Variants in MGAT4A observed in about 807,000 individuals in gnomAD.
The protein encoded by MGAT4A is alpha-1,3-mannosyl-glycoprotein 4-beta-N-acetylglucosaminyltransferase A.
MGAT4A carries 33 observed loss-of-function variants against 74.1 expected under a neutral mutation model. That is an observed-to-expected ratio of 0.45 (90% CI 0.34 to 0.60). The LOEUF is 0.60. Among genes scored for constraint, MGAT4A ranks in the 20% least tolerant of loss-of-function variants. The pLI, the probability that MGAT4A is intolerant of heterozygous loss-of-function variation, is 0.02. For missense variants in MGAT4A, 479 were observed against 628.3 expected (o/e 0.76, Z 2.54); for synonymous variants, 198 against 210.4 (o/e 0.94, Z 0.51).
intron 4 of MGAT4A, among the ~76,000 whole-genome samples, chr2:98,664,748 A>ATTAGGT (rs1701800153): frequency 1.3e-5 from 2 of 152,154 alleles, no homozygotes; most frequent in Non-Finnish European, 2.9e-5. Context: ...CACTATTATA[A>ATTAGGT]TTAGGTTCTT....
At chr2:98,712,563 C>G (rs1702532908) in intron 2 of MGAT4A, among the ~76,000 whole-genome samples, 1 of 152,210 alleles carries the variant, frequency 6.6e-6, no homozygotes, top group South Asian at 2.1e-4. Flanking sequence ...GAGCTGTACA[C>G]TTATGATTTG....
chr2:98,645,083 A>G (rs1701465699), intron 9 of MGAT4A, among the ~76,000 whole-genome samples: 1 of 152,252 alleles, frequency 6.6e-6, no homozygotes, highest in Admixed American at 6.5e-5. Flanking sequence ...CTAGGAATTT[A>G]TATGAGAAAA....
rs543899006 is a variant in MGAT4A at position 98,625,492 on chromosome 2, T to TA, written c.*73dup. On this transcript the variant is annotated 3_prime_UTR_variant, in exon 16 of 16. Transcript: ENST00000393487. The stretch of plus-strand genomic sequence containing the variant: ...ACAAGAGGTAGTGTTCAAGTAGAAA[T>TA]AAAAAAAAGATACATGCTTAACTAT... The TA allele has an allele frequency of 5.1e-5, 81 of 1,583,002 alleles. No individual in the cohort carries two copies. The African/African-American group carries it at 7.4e-4, about 14-fold the overall frequency.
At chr2:98,720,369 A>C (rs1702650322) in intron 2 of MGAT4A, among the ~76,000 whole-genome samples, 1 of 152,212 alleles carries the variant, frequency 6.6e-6, no homozygotes, top group South Asian at 2.1e-4. Context: ...GAGGAAGGGC[A>C]ACTTTGTTTC....
chr2:98,724,410 C>T (rs922528430), intron 2 of MGAT4A, among the ~76,000 whole-genome samples: 5 of 152,110 alleles, frequency 3.3e-5, no homozygotes, highest in Admixed American at 6.5e-5. Flanking sequence ...GCTACAGAAA[C>T]GATAACATTT....
intron 10 of MGAT4A, among the ~76,000 whole-genome samples, chr2:98,641,743 C>A (rs1275792422): frequency 6.6e-6 from 1 of 151,844 alleles, no homozygotes; most frequent in Non-Finnish European, 1.5e-5. Flanking sequence ...GTCTGTAATC[C>A]TAGCACTTTG....
chr2:98,678,851 G>T (rs1178106274), intron 2 of MGAT4A, among the ~76,000 whole-genome samples: 2 of 152,108 alleles, frequency 1.3e-5, no homozygotes, highest in Non-Finnish European at 2.9e-5. Context: ...ACATCAACCA[G>T]ATAGAGAGAT....
intron 14 of MGAT4A, among the ~76,000 whole-genome samples, chr2:98,634,551 AGAAAGCCACAG>A (rs1701289144): frequency 6.6e-6 from 1 of 151,856 alleles, no homozygotes; most frequent in African/African-American, 2.4e-5. Flanking sequence ...CAGTGGCTCT[AGAAAGCCACAG>A]GAAAGCCACA....
At chr2:98,709,134 G>A (rs1043600427) in intron 2 of MGAT4A, among the ~76,000 whole-genome samples, 1 of 152,016 alleles carries the variant, frequency 6.6e-6, no homozygotes, top group Non-Finnish European at 1.5e-5. Flanking sequence ...TGTCAAACAG[G>A]GATATTAATA....
chr2:98,620,339 TC>T lies in MGAT4A; in HGVS notation c.*5226del, dbSNP rs760324038. On this transcript the variant is annotated 3_prime_UTR_variant, in exon 16 of 16. Transcript: ENST00000393487. ...ATACTGCAACATAACTTGGAAAAGT[TC>T]CTTTTCTATAAAGGGATTGGACTGG... 2.6e-5 allele frequency: 4 copies of T among 152,224 alleles called. No homozygotes were observed. The highest frequency in any genetic ancestry group is 5.9e-5 in the Non-Finnish European group (4 of 68,040). The allele number at this position is 152,224 out of a possible 1,614,324, so 9.4% of individuals were successfully genotyped here.
chr2:98,710,889 G>A (rs1702506056), intron 2 of MGAT4A, among the ~76,000 whole-genome samples: 2 of 152,152 alleles, frequency 1.3e-5, no homozygotes, highest in Admixed American at 6.5e-5. Flanking sequence ...GAAGGAAAAA[G>A]GAAGTTCTGT....
intron 6 of MGAT4A, 54 bp downstream of exon 6, chr2:98,658,164 C>G (rs1701686062): frequency 1.7e-6 from 2 of 1,162,674 alleles, no homozygotes; most frequent in South Asian, 2.7e-5. Flanking sequence ...GCAAGAAACC[C>G]AAGAGATAAT....
intron 2 of MGAT4A, among the ~76,000 whole-genome samples, chr2:98,679,301 G>A (rs1702023508): frequency 6.6e-6 from 1 of 151,774 alleles, no homozygotes; most frequent in Non-Finnish European, 1.5e-5. Flanking sequence ...AGCTACTCGG[G>A]AGGCTGAGGC....
chr2:98,705,576 A>G (rs1045732793), intron 2 of MGAT4A, among the ~76,000 whole-genome samples: 1 of 152,220 alleles, frequency 6.6e-6, no homozygotes, highest in African/African-American at 2.4e-5. Flanking sequence ...GAGGAAATTA[A>G]TATTGTCCAT....
intron 1 of MGAT4A, among the ~76,000 whole-genome samples, chr2:98,729,613 T>C (rs1295589493): frequency 2.0e-5 from 3 of 152,354 alleles, no homozygotes; most frequent in Admixed American, 2.0e-4. Flanking sequence ...CTTTCAACTC[T>C]AGACATCAGA....
intron 2 of MGAT4A, among the ~76,000 whole-genome samples, chr2:98,685,337 G>C (rs754731717): frequency 1.3e-5 from 2 of 151,642 alleles, no homozygotes; most frequent in African/African-American, 2.4e-5. Flanking sequence ...AAATATGAAT[G>C]AGGAAGGTTT....
chr2:98,709,841 CTCTT>C (rs1335195586), intron 2 of MGAT4A, among the ~76,000 whole-genome samples: 1 of 152,222 alleles, frequency 6.6e-6, no homozygotes, highest in Non-Finnish European at 1.5e-5. Context: ...AGTTGGCAAA[CTCTT>C]TCCCTAGCCC....
At chr2:98,700,288 T>C (rs897609730) in intron 2 of MGAT4A, among the ~76,000 whole-genome samples, 2 of 149,474 alleles carry the variant, frequency 1.3e-5, no homozygotes, top group Non-Finnish European at 3.0e-5. Context: ...GCTTGATTTT[T>C]TCCTTTAGTT....
intron 14 of MGAT4A, among the ~76,000 whole-genome samples, chr2:98,634,634 A>T (rs181134087): frequency 6.6e-6 from 1 of 151,520 alleles, no homozygotes; most frequent in East Asian, 1.9e-4. Context: ...CCCCTCACAG[A>T]CAGGGTGACT....
Sources: allele counts gnomAD v4.1 joint callset (sites outside exome capture counted in the v4.1 genomes callset), GRCh38; gene constraint gnomAD v4.1.1; transcripts MANE v1.5; gene names NCBI Gene and HGNC (gene_info 2026-07-23, HGNC 2026-07-21).